Variants in TMPRSS4 observed in about 807,000 individuals in gnomAD.
TMPRSS4 encodes the protein transmembrane protease serine 4.
TMPRSS4 carries 45 observed loss-of-function variants against 56.4 expected under a neutral mutation model. That is an observed-to-expected ratio of 0.80 (90% confidence interval 0.63 to 1.02). The LOEUF (loss-of-function observed/expected upper bound fraction) is 1.02. Ranked by LOEUF, TMPRSS4 falls within the 50% of genes least tolerant of loss-of-function variation. The pLI, the probability that TMPRSS4 is intolerant of heterozygous loss-of-function variation, is 0.00. For synonymous variants in TMPRSS4, 205 were observed against 211.0 expected, an observed-to-expected ratio of 0.97 and a Z score of 0.25; for missense variants, 546 against 556.7, an observed-to-expected ratio of 0.98 and a Z score of 0.19.
intron 1 of TMPRSS4, among the ~76,000 whole-genome samples, chr11:118,080,424 G>C (rs1191806420): frequency 6.6e-6 from 1 of 152,202 alleles, no homozygotes; most frequent in African/African-American, 2.4e-5. Flanking sequence ...CACCTGCCGA[G>C]GTGGAAGCTG....
At position 118,118,102 on chromosome 11, in the gene TMPRSS4, G is replaced by A. The variant is rs1005769478; in HGVS notation, c.*189G>A. On this transcript the variant is annotated 3_prime_UTR_variant, in exon 13 of 13. Transcript: ENST00000437212. ...CCCTCGCAGCCCAGAGGCGCCCAGA[G>A]GAAGTCAGCAGCCCTAGCTCGGCCA... The A allele has an allele frequency of 3.3e-5, 47 of 1,440,056 alleles. No homozygotes were observed. Among genetic ancestry groups the A allele is most frequent in the Non-Finnish European group, 4.1e-5 (45 of 1,102,860 alleles). 89.2% of individuals were successfully genotyped at this position (1,440,056 alleles called of 1,614,324 possible). A position where few individuals can be genotyped will look rare whatever the true frequency, so the allele number is the denominator to read the frequency against.
At chr11:118,111,648 C>T in intron 7 of TMPRSS4, 93 bp from the exon 8 acceptor site, 1 of 1,052,236 alleles carries the variant, frequency 9.5e-7, no homozygotes, top group Non-Finnish European at 1.3e-6. Flanking sequence ...CCATAAGGGC[C>T]CTGCTTAGAG....
chr11:118,097,716 C>T (rs1946484689), intron 2 of TMPRSS4, among the ~76,000 whole-genome samples: 1 of 150,150 alleles, frequency 6.7e-6, no homozygotes, highest in Non-Finnish European at 1.5e-5. Flanking sequence ...TACCTGGTCT[C>T]CCTAACCCCA....
At position 118,104,609 on chromosome 11, in the gene TMPRSS4, G is replaced by C. The variant is rs192549213; in HGVS notation, c.311-82G>C. On this transcript the variant is annotated intron_variant, in intron 4 of 12. Coordinates refer to ENST00000437212, the MANE Select transcript of TMPRSS4 (RefSeq NM_019894.4). ...CCCCAGTTCTAGGTTGGGGGAGCTT[G>C]GGCTGGTCTCATGATGAGTTCTGAG... 2.0e-3 allele frequency: 3,272 copies of C among 1,603,550 alleles called. 5 individuals carry two copies. Among genetic ancestry groups the C allele is most frequent in the Non-Finnish European group, 2.6e-3 (2,999 of 1,175,738 alleles).
chr11:118,115,043 C>G (rs752714979), intron 10 of TMPRSS4, 95 bp from the exon 11 acceptor site: 33 of 1,552,692 alleles, frequency 2.1e-5, no homozygotes, highest in Non-Finnish European at 2.9e-5. Context: ...GAGGACCAAG[C>G]ACCAAGGCGC....
In TMPRSS4 at chr11:118,110,648, C is replaced by T. The variant is rs559241323; in HGVS notation, c.584-1093C>T. 1.1e-4 allele frequency among the ~76,000 whole-genome samples: 16 copies of T among 152,348 alleles called. No individual in the cohort carries two copies. The South Asian group carries it at 3.1e-3, about 30-fold the overall frequency. ...TGAGCCTCCCAAAGTGCTGGGATTA[C>T]AGGCATGAGCTGCCTCACCCAGCCT... On this transcript the variant is annotated intron_variant, in intron 7 of 12. Coordinates refer to ENST00000437212, the MANE Select transcript of TMPRSS4 (RefSeq NM_019894.4).
intron 3 of TMPRSS4, among the ~76,000 whole-genome samples, chr11:118,102,395 G>A (rs1946759600): frequency 6.6e-6 from 1 of 152,160 alleles, no homozygotes; most frequent in South Asian, 2.1e-4. Context: ...AACTAAGAAG[G>A]GAAAGCGATC....
At chr11:118,111,692 C>A in intron 7 of TMPRSS4, 49 bp from the exon 8 acceptor site, 1 of 1,488,160 alleles carries the variant, frequency 6.7e-7, no homozygotes, top group Non-Finnish European at 9.0e-7. Context: ...GCAGCCTCAT[C>A]CCCAACAGCC....
intron 1 of TMPRSS4, among the ~76,000 whole-genome samples, chr11:118,082,785 T>C (rs59541976): frequency 0.026 from 3,964 of 152,272 alleles, 125 homozygotes; most frequent in African/African-American, 0.083. Context: ...ATATTATAAG[T>C]GGATCAGGCC....
In TMPRSS4 at chr11:118,104,716, A is replaced by G; in HGVS notation, c.336A>G (p.Thr112=). ...TCCGCCTCTCCAAGGACCGATCCACACTGCAGGTGCTGGACTCGGCCACAG... is the reference window on the plus strand; with the variant it reads ...TCCGCCTCTCCAAGGACCGATCCACGCTGCAGGTGCTGGACTCGGCCACAG... The part of the protein sequence containing the change: ...VAVRLSKDRS[T]LQVLDSATGN... Residue 112 remains threonine, a synonymous_variant, in exon 5 of 13, where the codon ACA becomes ACG. Coordinates refer to ENST00000437212, the MANE Select transcript of TMPRSS4 (RefSeq NM_019894.4). The G allele has an allele frequency of 3.7e-6, 6 of 1,614,088 alleles. No individual in the cohort carries two copies. Among genetic ancestry groups the G allele is most frequent in the South Asian group, 1.1e-5 (1 of 91,080 alleles).
At chr11:118,106,992 T>C (rs1047369951) in intron 5 of TMPRSS4, 1 of 152,106 alleles carries the variant, frequency 6.6e-6, no homozygotes, top group Non-Finnish European at 1.5e-5. Flanking sequence ...AATGTGCCAA[T>C]CCACCAGTAT....
At position 118,104,757 on chromosome 11, in the gene TMPRSS4, C is replaced by T; in HGVS notation, c.377C>T (p.Ala126Val). 6 of 1,614,104 alleles carry T rather than the reference C, an allele frequency of 3.7e-6. No individual in the cohort carries two copies. Among genetic ancestry groups the T allele is most frequent in the Non-Finnish European group, 5.1e-6 (6 of 1,179,976 alleles). Reference sequence around the variant, plus strand: ...TCGGCCACAGGGAACTGGTTCTCTGCCTGTTTCGACAACTTCACAGAAGCT... The same window carrying T: ...TCGGCCACAGGGAACTGGTTCTCTGTCTGTTTCGACAACTTCACAGAAGCT... ...LDSATGNWFS[A>V]CFDNFTEALA... The change falls in exon 5 of 13, where the codon GCC becomes GTC. Residue 126 changes from alanine to valine, a missense_variant. By Grantham distance (64) the Ala-to-Val change is moderately conservative. Transcript: ENST00000437212.
Position 118,110,561 on chromosome 11 carries a change from C to T in TMPRSS4, c.584-1180C>T, listed in dbSNP as rs528218382. ...CTAATTTTTGTATTTTTAGTAGAGA[C>T]GGCGTTTCACCATGTTGGCCAGGCT... On this transcript the variant is annotated intron_variant, in intron 7 of 12. Coordinates refer to ENST00000437212, the MANE Select transcript of TMPRSS4 (RefSeq NM_019894.4). 4.6e-5 allele frequency among the ~76,000 whole-genome samples: 7 copies of T among 152,204 alleles called. No individual in the cohort carries two copies. In the South Asian group the frequency reaches 1.0e-3, roughly 23 times the overall value.
intron 11 of TMPRSS4, 129 bp from the exon 12 acceptor site, chr11:118,117,176 G>C: frequency 1.1e-6 from 1 of 924,168 alleles, no homozygotes; most frequent in South Asian, 1.4e-5. Flanking sequence ...AGCAAAGAGG[G>C]TGAGGGTGGA....
chr11:118,103,403 G>A (rs1463183668), intron 4 of TMPRSS4, 150 bp downstream of exon 4: 50 of 183,354 alleles, frequency 2.7e-4, no homozygotes, highest in Non-Finnish European at 5.9e-4. Context: ...TTGTTGTTTT[G>A]AGGCAGAGTG....
intron 3 of TMPRSS4, among the ~76,000 whole-genome samples, chr11:118,100,023 T>C (rs1207087491): frequency 2.6e-5 from 4 of 152,256 alleles, no homozygotes; most frequent in African/African-American, 9.6e-5. Flanking sequence ...CCACAACTTT[T>C]CACAGCAAGA....
intron 3 of TMPRSS4, among the ~76,000 whole-genome samples, chr11:118,100,543 G>A (rs981717314): frequency 2.6e-5 from 4 of 152,088 alleles, no homozygotes; most frequent in Admixed American, 1.3e-4. Flanking sequence ...ATCTCGTGGC[G>A]GTGGAAATGC....
chr11:118,110,620 G>T (rs1205761320), intron 7 of TMPRSS4, among the ~76,000 whole-genome samples: 1 of 152,142 alleles, frequency 6.6e-6, no homozygotes, highest in African/African-American at 2.4e-5. Flanking sequence ...TGATCTGCCC[G>T]CCTGAGCCTC....
At chr11:118,117,172 G>A (rs1947605798) in intron 11 of TMPRSS4, 133 bp from the exon 12 acceptor site, 3 of 892,164 alleles carry the variant, frequency 3.4e-6, no homozygotes, top group Non-Finnish European at 5.4e-6. Context: ...AATGAGCAAA[G>A]AGGGTGAGGG....
Sources: allele counts gnomAD v4.1 joint callset (sites outside exome capture counted in the v4.1 genomes callset), GRCh38; gene constraint gnomAD v4.1.1; transcripts MANE v1.5; gene names NCBI Gene and HGNC (gene_info 2026-07-23, HGNC 2026-07-21).